Variants in CADPS observed in about 807,000 individuals in gnomAD.
The protein encoded by CADPS is calcium-dependent secretion activator 1.
A neutral mutation model predicts 167.3 loss-of-function variants in CADPS; 57 were observed. The observed-to-expected ratio is 0.34, with a 90% CI of 0.28 to 0.42. The LOEUF (loss-of-function observed/expected upper bound fraction) is 0.42. Ranked by LOEUF, CADPS falls within the 20% of genes least tolerant of loss-of-function variation. CADPS has a pLI of 1.00. For missense variants in CADPS, 1,414 were observed against 1,738.1 expected (o/e 0.81, Z 3.32); for synonymous variants, 676 against 635.3 (o/e 1.06, Z -0.96).
intron 6 of CADPS, among the ~76,000 whole-genome samples, chr3:62,596,716 G>C (rs991147178): frequency 2.6e-5 from 4 of 152,084 alleles, no homozygotes. Context: ...CTGTACTTTT[G>C]TATCCTTTGT....
At chr3:62,787,138 A>G (rs1156354126) in intron 1 of CADPS, among the ~76,000 whole-genome samples, 4 of 152,136 alleles carry the variant, frequency 2.6e-5, no homozygotes, top group Non-Finnish European at 2.9e-5. Flanking sequence ...TACCAAAAAT[A>G]TAAAAAATTA....
At chr3:62,541,114 T>C (rs2085324062) in intron 11 of CADPS, among the ~76,000 whole-genome samples, 1 of 152,184 alleles carries the variant, frequency 6.6e-6, no homozygotes, top group East Asian at 1.9e-4. Flanking sequence ...CTTTGGGAGA[T>C]GCATCCTAAT....
intron 6 of CADPS, among the ~76,000 whole-genome samples, chr3:62,631,602 A>G (rs2065283965): frequency 6.6e-6 from 1 of 152,200 alleles, no homozygotes; most frequent in Non-Finnish European, 1.5e-5. Flanking sequence ...TTGCTTAGTT[A>G]CATGAAGTAT....
At chr3:62,437,026 T>C (rs1262815898) in intron 28 of CADPS, among the ~76,000 whole-genome samples, 1 of 149,874 alleles carries the variant, frequency 6.7e-6, no homozygotes, top group Non-Finnish European at 1.5e-5. Flanking sequence ...ACACACAAAC[T>C]CAATGTAAAT....
chr3:62,641,518 T>TGG (rs2067412028), intron 6 of CADPS, among the ~76,000 whole-genome samples: 1 of 152,144 alleles, frequency 6.6e-6, no homozygotes, highest in African/African-American at 2.4e-5. Flanking sequence ...CCAAATGCTT[T>TGG]GGAATCCCCA....
At chr3:62,624,525 T>A (rs2063698874) in intron 6 of CADPS, among the ~76,000 whole-genome samples, 1 of 151,764 alleles carries the variant, frequency 6.6e-6, no homozygotes, top group Admixed American at 6.6e-5. Flanking sequence ...CCAAAATGTC[T>A]CCAGTCTCTT....
intron 11 of CADPS, among the ~76,000 whole-genome samples, chr3:62,546,905 A>C (rs1255040258): frequency 6.6e-6 from 1 of 152,120 alleles, no homozygotes; most frequent in Non-Finnish European, 1.5e-5. Flanking sequence ...CTGAGGGAAG[A>C]CTGTATTCCC....
chr3:62,812,644 T>C (rs1021822285), intron 1 of CADPS, among the ~76,000 whole-genome samples: 2 of 152,178 alleles, frequency 1.3e-5, no homozygotes, highest in Non-Finnish European at 2.9e-5. Context: ...CTACAGGCAT[T>C]ATGCAAGTCA....
At chr3:62,639,969 C>T (rs1004744587) in intron 6 of CADPS, among the ~76,000 whole-genome samples, 4 of 152,168 alleles carry the variant, frequency 2.6e-5, no homozygotes, top group African/African-American at 9.7e-5. Context: ...TTTCAGAACA[C>T]AAATTATAAT....
intron 28 of CADPS, among the ~76,000 whole-genome samples, chr3:62,428,577 T>C (rs569836688): frequency 2.6e-5 from 4 of 152,234 alleles, no homozygotes; most frequent in East Asian, 1.9e-4. Flanking sequence ...CCAAGCTAAC[T>C]CCCAGATGGA....
intron 13 of CADPS, among the ~76,000 whole-genome samples, chr3:62,524,074 A>G (rs1404375376): frequency 2.0e-5 from 3 of 152,172 alleles, no homozygotes; most frequent in Admixed American, 1.3e-4. Flanking sequence ...TCTTTTAACC[A>G]CTGACTTAAA....
chr3:62,502,119 T>C (rs1009470515), intron 17 of CADPS, among the ~76,000 whole-genome samples: 3 of 152,224 alleles, frequency 2.0e-5, no homozygotes, highest in African/African-American at 7.2e-5. Context: ...TCAAGCCACA[T>C]TAGTGAGACA....
intron 3 of CADPS, among the ~76,000 whole-genome samples, chr3:62,701,425 G>A (rs1303951344): frequency 6.6e-6 from 1 of 151,758 alleles, no homozygotes; most frequent in African/African-American, 2.4e-5. Context: ...GGAACTCTGT[G>A]ACCACTGAGG....
intron 22 of CADPS, 29 bp downstream of exon 22, chr3:62,481,694 A>T (rs762588843): frequency 6.5e-6 from 10 of 1,542,196 alleles, no homozygotes; most frequent in Non-Finnish European, 7.8e-6. Context: ...TTAAATTTAA[A>T]TGAGATCTAA....
At chr3:62,414,997 G>C (rs895075192) in intron 28 of CADPS, among the ~76,000 whole-genome samples, 3 of 152,122 alleles carry the variant, frequency 2.0e-5, no homozygotes, top group Admixed American at 2.0e-4. Flanking sequence ...GCAAAAGCGG[G>C]ACACAGACCC....
intron 26 of CADPS, among the ~76,000 whole-genome samples, chr3:62,447,873 G>T (rs543583037): frequency 3.3e-4 from 50 of 152,120 alleles, no homozygotes; most frequent in Non-Finnish European, 6.0e-4. Context: ...GAAAGAAGGT[G>T]GCTTGCCTTT....
intron 1 of CADPS, among the ~76,000 whole-genome samples, chr3:62,798,258 G>A (rs1409718574): frequency 6.6e-6 from 1 of 152,122 alleles, no homozygotes; most frequent in African/African-American, 2.4e-5. Flanking sequence ...TAATCTGGGT[G>A]GGCACCATCT....
intron 1 of CADPS, among the ~76,000 whole-genome samples, chr3:62,873,284 T>C (rs1328031009): frequency 1.3e-5 from 2 of 152,184 alleles, no homozygotes; most frequent in Non-Finnish European, 2.9e-5. Context: ...GGTGGATAAA[T>C]ACGGAAAACC....
chr3:62,587,541 C>T (rs1296717541), intron 7 of CADPS, among the ~76,000 whole-genome samples: 2 of 152,182 alleles, frequency 1.3e-5, no homozygotes, highest in African/African-American at 4.8e-5. Context: ...TGGTAAGAGA[C>T]ACCCCATCCA....
Sources: allele counts gnomAD v4.1 joint callset (sites outside exome capture counted in the v4.1 genomes callset), GRCh38; gene constraint gnomAD v4.1.1; transcripts MANE v1.5; gene names NCBI Gene and HGNC (gene_info 2026-07-23, HGNC 2026-07-21).